SNX13: variants seen among roughly 807,000 people sequenced by gnomAD.
SNX13 encodes sorting nexin 13.
Under a neutral mutation model 133.6 loss-of-function variants are expected in SNX13, and 45 were observed. That is an observed-to-expected ratio of 0.34 (90% confidence interval 0.27 to 0.43). The LOEUF is 0.43. Among genes scored for constraint, SNX13 ranks in the 20% least tolerant of loss-of-function variants. SNX13 has a pLI of 1.00. For missense variants in SNX13, 1,032 were observed against 1,145.1 expected, an observed-to-expected ratio of 0.90 and a Z score of 1.43; for synonymous variants, 414 against 373.9, an observed-to-expected ratio of 1.11 and a Z score of -1.24.
chr7:17,813,650 G>A (rs944544318), intron 20 of SNX13, among the ~76,000 whole-genome samples: 1 of 149,220 alleles, frequency 6.7e-6, no homozygotes, highest in South Asian at 2.1e-4. Flanking sequence ...GCAGTGGCAT[G>A]ACCATGGTTC....
In SNX13 at chr7:17,799,101, G is replaced by A. The variant is rs569292489; in HGVS notation, c.2352C>T (p.Phe784=). 4.3e-5 allele frequency: 69 copies of A among 1,610,016 alleles called. No homozygotes were observed. The highest frequency in any genetic ancestry group is 2.4e-4 in the African/African-American group (18 of 74,798). ...RVMLLLMDEV[F]DLKERNQWLR... ...ACCACTGATTTCTTTCTTTTAAGTC[G>A]AATACTTCATCCATGAGAAGCAGCA... The change falls in exon 23 of 26, where the codon TTC becomes TTT. Residue 784 remains phenylalanine (F), a synonymous_variant. Coordinates refer to ENST00000428135, the MANE Select transcript of SNX13 (RefSeq NM_015132.5).
chr7:17,811,941 C>T (rs1240320510), intron 20 of SNX13, among the ~76,000 whole-genome samples: 1 of 152,060 alleles, frequency 6.6e-6, no homozygotes, highest in African/African-American at 2.4e-5. Context: ...ACTGGCTAGC[C>T]ATAGGCAGAA....
intron 12 of SNX13, 50 bp downstream of exon 12, chr7:17,845,545 G>A (rs746296373): frequency 1.2e-5 from 15 of 1,238,216 alleles, no homozygotes; most frequent in Middle Eastern, 1.9e-4. Flanking sequence ...ATAAAAAATC[G>A]AAAAAGAAAT....
intron 13 of SNX13, among the ~76,000 whole-genome samples, chr7:17,837,502 AG>A (rs1343318730): frequency 6.6e-6 from 1 of 152,048 alleles, no homozygotes; most frequent in Non-Finnish European, 1.5e-5. Context: ...TATTAAAAAC[AG>A]GTTTTTAAAT....
chr7:17,878,459 A>G (rs1166953219), intron 5 of SNX13, among the ~76,000 whole-genome samples: 2 of 152,200 alleles, frequency 1.3e-5, no homozygotes, highest in Non-Finnish European at 2.9e-5. Context: ...AAGGTTAACT[A>G]GGAATGCAAA....
intron 17 of SNX13, among the ~76,000 whole-genome samples, chr7:17,822,061 C>G (rs1462768463): frequency 3.3e-5 from 5 of 152,104 alleles, no homozygotes; most frequent in Non-Finnish European, 7.4e-5. Flanking sequence ...ATGTTTTGTA[C>G]TAGCCTTCAC....
chr7:17,825,912 C>A, intron 17 of SNX13, 110 bp downstream of exon 17: 3 of 676,260 alleles, frequency 4.4e-6, no homozygotes, highest in East Asian at 2.9e-5. Context: ...AGTAACAAAA[C>A]TATGACTAGA....
chr7:17,848,120 A>G (rs1356776436), intron 11 of SNX13, among the ~76,000 whole-genome samples: 2 of 151,998 alleles, frequency 1.3e-5, no homozygotes, highest in Non-Finnish European at 2.9e-5. Context: ...AAAAACCGAG[A>G]CTCAGCTGGT....
intron 1 of SNX13, among the ~76,000 whole-genome samples, chr7:17,901,092 G>C (rs1055125126): frequency 6.6e-6 from 1 of 152,128 alleles, no homozygotes; most frequent in East Asian, 1.9e-4. Flanking sequence ...TCTGGCCAAA[G>C]GTGTGTCTAG....
At position 17,935,222 on chromosome 7, in the gene SNX13, G is replaced by C. The variant is rs1259648595; in HGVS notation, c.12+5062C>G. Among the ~76,000 whole-genome samples the C allele has an allele frequency of 5.3e-5, 8 of 152,144 alleles. 1 individual carries two copies. In the East Asian group the frequency reaches 1.5e-3, roughly 29 times the overall value. On this transcript the variant is annotated intron_variant, in intron 1 of 25. Coordinates refer to ENST00000428135, the MANE Select transcript of SNX13 (RefSeq NM_015132.5). ...GAAATTCTGTCACTTGCTACAACAT[G>C]AACGAACATGGAGAACATCATGCTA...
chr7:17,912,488 C>G (rs1799092314), intron 1 of SNX13, among the ~76,000 whole-genome samples: 1 of 151,912 alleles, frequency 6.6e-6, no homozygotes, highest in Admixed American at 6.6e-5. Context: ...TGACTCACTG[C>G]AACCTCCTGC....
Position 17,799,011 on chromosome 7 carries a change from A to T in SNX13, c.2442T>A (p.Asn814Lys). 1.2e-6 allele frequency: 2 copies of T among 1,608,954 alleles called. No homozygotes were observed. The highest frequency in any genetic ancestry group is 1.7e-6 in the Non-Finnish European group (2 of 1,177,294). Residue 814 changes from asparagine to lysine, a missense_variant and splice_region_variant, in exon 23 of 26, where the codon AAT becomes AAA. Coordinates refer to ENST00000428135, the MANE Select transcript of SNX13 (RefSeq NM_015132.5). ...AAGCGAGGAGGAAAGAGTGCTACCT[A>T]TTAATAGTATCGCCATATGTAGCTC... ...LIRATYGDTI[N>K]RKIVDHVDWM... is the part of the protein sequence containing the mutation.
rs541893916 is a variant in SNX13 at position 17,882,726 on chromosome 7, A to G, written c.441-6936T>C. 3.4e-4 allele frequency: 339 copies of G among 1,000,916 alleles called. 1 individual carries two copies. The highest frequency in any genetic ancestry group is 4.1e-4 in the Non-Finnish European group (327 of 796,732). The allele number at this position is 1,000,916 out of a possible 1,614,324, so 62.0% of individuals were successfully genotyped here. A position where few individuals can be genotyped will look rare whatever the true frequency, so the allele number is the denominator to read the frequency against. Reference sequence around the variant, plus strand: ...TGATTGAAAAGAAATCAAGATTAGTAACAACCTGACCAGAGAATCTTACTA... The same window carrying G: ...TGATTGAAAAGAAATCAAGATTAGTGACAACCTGACCAGAGAATCTTACTA... On this transcript the variant is annotated intron_variant, in intron 5 of 25. Coordinates refer to ENST00000428135, the MANE Select transcript of SNX13 (RefSeq NM_015132.5).
intron 5 of SNX13, chr7:17,889,638 G>C (rs1796411520): frequency 6.6e-6 from 1 of 151,674 alleles, no homozygotes; most frequent in African/African-American, 2.4e-5. Flanking sequence ...AGGATGGAGG[G>C]GAAAAAAAGC....
intron 21 of SNX13, among the ~76,000 whole-genome samples, chr7:17,801,877 T>C (rs1159905039): frequency 6.6e-6 from 1 of 152,044 alleles, no homozygotes; most frequent in Non-Finnish European, 1.5e-5. Flanking sequence ...ACTTTTGAGT[T>C]AGAAATAAAA....
At chr7:17,883,020 A>G (rs10280570) in intron 5 of SNX13, 97 of 276,202 alleles carry the variant, frequency 3.5e-4, no homozygotes, top group African/African-American at 2.2e-3. Context: ...CTACTCTACC[A>G]TAACAAGAAA....
chr7:17,855,731 G>A (rs373486736), intron 9 of SNX13, among the ~76,000 whole-genome samples: 5 of 152,134 alleles, frequency 3.3e-5, no homozygotes, highest in Admixed American at 6.5e-5. Context: ...ACACCTGGTC[G>A]CCCCAGAGCT....
At chr7:17,851,033 G>C in intron 9 of SNX13, 69 bp from the exon 10 acceptor site, 1 of 1,487,680 alleles carries the variant, frequency 6.7e-7, no homozygotes, top group Non-Finnish European at 9.1e-7. Flanking sequence ...TGAATCTTGA[G>C]TGCCTACTAT....
intron 15 of SNX13, chr7:17,830,682 A>C (rs1310218603): frequency 1.0e-6 from 1 of 981,616 alleles, no homozygotes; most frequent in Non-Finnish European, 1.2e-6. Context: ...GATTATTAAC[A>C]TTAATGTCAA....
Sources: allele counts gnomAD v4.1 joint callset (sites outside exome capture counted in the v4.1 genomes callset), GRCh38; gene constraint gnomAD v4.1.1; transcripts MANE v1.5; gene names NCBI Gene and HGNC (gene_info 2026-07-23, HGNC 2026-07-21).